LARS1: variants seen among roughly 807,000 people sequenced by gnomAD.
LARS1 encodes the protein leucyl-tRNA synthetase 1.
LARS1 carries 100 observed loss-of-function variants against 162.8 expected under a neutral mutation model. That is an observed-to-expected ratio of 0.61 (90% CI 0.52 to 0.73). LARS1 has a LOEUF of 0.73. Ranked by LOEUF, LARS1 falls within the 30% of genes least tolerant of loss-of-function variation. The pLI is 0.00. For missense variants in LARS1, 1,258 were observed against 1,408.9 expected, an observed-to-expected ratio of 0.89 and a Z score of 1.71; for synonymous variants, 457 against 462.8, an observed-to-expected ratio of 0.99 and a Z score of 0.16.
At position 146,153,192 on chromosome 5, in the gene LARS1, C is replaced by G. The variant is rs769902118; in HGVS notation, c.1266G>C (p.Met422Ile). The G allele has an allele frequency of 6.8e-6, 11 of 1,613,154 alleles. No homozygotes were observed. The highest frequency in any genetic ancestry group is 8.5e-6 in the Non-Finnish European group (10 of 1,179,494). The change falls in exon 13 of 32, where the codon ATG becomes ATC. Residue 422 changes from methionine to isoleucine, a missense_variant. Physicochemically the swap from Met to Ile is conservative, Grantham distance 10 (BLOSUM62 1). Coordinates refer to ENST00000394434, the MANE Select transcript of LARS1 (RefSeq NM_020117.11). ...TACTCACCGGCTCAAATGGCAAGAC[C>G]ATGTCATCTCTAATTCCATATTTTG... is the stretch of plus-strand genomic sequence containing the variant. ...LRAKYGIRDDMVLPFEPVPVI... is the reference protein window; with the variant it reads ...LRAKYGIRDDIVLPFEPVPVI...
In LARS1 at chr5:146,160,486, C is replaced by A. The variant is rs1402062205; in HGVS notation, c.595G>T (p.Val199Leu). 4.0e-6 allele frequency: 6 copies of A among 1,501,744 alleles called. No individual in the cohort carries two copies. The highest frequency in any genetic ancestry group is 2.5e-5 in the Admixed American group (1 of 39,778). 93.0% of individuals were successfully genotyped at this position (1,501,744 alleles called of 1,614,324 possible). The change falls in exon 7 of 32, where the codon GTA becomes TTA. Residue 199 changes from valine to leucine, a missense_variant and splice_region_variant. Transcript: ENST00000394434. ...GTGATGAAGGAACGACGCCAGTCTA[C>A]CTATAAAAGGAAAATTTTAAAAGGC... ...IQDLKRMGLK[V>L]DWRRSFITTD...
rs778735847 is a variant in LARS1, at chr5:146,135,619, C to CA, written c.2193dup (p.Asp732Ter). The CA allele has an allele frequency of 6.2e-7, 1 of 1,604,646 alleles. No homozygotes were observed. Among genetic ancestry groups the CA allele is most frequent in the South Asian group, 1.1e-5 (1 of 88,104 alleles). ...TACTCACCATCTGCTGAAAATTTGTCAATAGCTTGGGTCAAAGTGAGGAAG... is the reference window on the plus strand; with the variant it reads ...TACTCACCATCTGCTGAAAATTTGTCAAATAGCTTGGGTCAAAGTGAGGAAG... On this transcript the variant is annotated frameshift_variant, in exon 22 of 32. Transcript: ENST00000394434. LOFTEE classifies it high-confidence loss of function.
intron 31 of LARS1, among the ~76,000 whole-genome samples, chr5:146,118,662 TAAAAG>T (rs1338819576): frequency 1.3e-5 from 2 of 151,994 alleles, no homozygotes; most frequent in East Asian, 3.9e-4. Flanking sequence ...AAATAAAACT[TAAAAG>T]AAAAAAAGAC....
At chr5:146,164,503 A>C in intron 5 of LARS1, 32 bp from the exon 6 acceptor site, 1 of 1,605,528 alleles carries the variant, frequency 6.2e-7, no homozygotes, top group East Asian at 2.2e-5. Flanking sequence ...AAACTCGATC[A>C]AAGAATAACC....
intron 19 of LARS1, 102 bp from the exon 20 acceptor site, chr5:146,143,186 A>T: frequency 1.2e-6 from 1 of 823,856 alleles, no homozygotes; most frequent in Non-Finnish European, 1.7e-6. Flanking sequence ...TCTCTTTCTT[A>T]ATGTAGTTAC....
At position 146,134,530 on chromosome 5, in the gene LARS1, G is replaced by A. The variant is rs149433678; in HGVS notation, c.2212+1071C>T. Among the ~76,000 whole-genome samples, 959 of 152,226 alleles carry A rather than the reference G, an allele frequency of 6.3e-3. 5 individuals carry two copies. The highest frequency in any genetic ancestry group is 9.6e-3 in the Non-Finnish European group (654 of 68,010). Reference sequence around the variant, plus strand: ...TGACTAATTATATAAGAAATGAATGGTTCTTTCAGGATAGTGCATTTCTTC... The same window carrying A: ...TGACTAATTATATAAGAAATGAATGATTCTTTCAGGATAGTGCATTTCTTC... On this transcript the variant is annotated intron_variant, in intron 22 of 31. Transcript: ENST00000394434.
At chr5:146,161,045 C>A (rs779278732) in intron 6 of LARS1, among the ~76,000 whole-genome samples, 2 of 152,076 alleles carry the variant, frequency 1.3e-5, no homozygotes, top group Non-Finnish European at 2.9e-5. Flanking sequence ...TAAACCACCA[C>A]AACAAAACAA....
At position 146,177,586 on chromosome 5, in the gene LARS1, A is replaced by G; in HGVS notation, c.86T>C (p.Val29Ala). ...TAAATTAGATGCATTGACCTCAAAC[A>G]CTCTCTCAGTATCCCATTTCTGTTG... is the stretch of plus-strand genomic sequence containing the variant. ...EIQQKWDTERVFEVNASNLEK... is the reference protein window; with the variant it reads ...EIQQKWDTERAFEVNASNLEK... Residue 29 changes from valine to alanine, a missense_variant, in exon 2 of 32, where the codon GTG becomes GCG. Val to Ala is a moderately conservative substitution (Grantham distance 64). Transcript: ENST00000394434. 1.2e-6 allele frequency: 2 copies of G among 1,602,116 alleles called. No homozygotes were observed. Among genetic ancestry groups the G allele is most frequent in the Non-Finnish European group, 1.7e-6 (2 of 1,173,108 alleles).
At position 146,143,349 on chromosome 5, in the gene LARS1, A is replaced by G. The variant is rs2962504; in HGVS notation, c.1877+63T>C. The G allele has an allele frequency of 1, 1,528,773 of 1,532,882 alleles. 762,398 individuals carry two copies. The highest frequency in any genetic ancestry group is 1 in the East Asian group (44,168 of 44,168). The allele number at this position is 1,532,882 out of a possible 1,614,324, so 95.0% of individuals were successfully genotyped here. ...AAATCTTATTAAAACATTTAAATAC[A>G]TAAATCAAATATCACAACTCTTACT... On this transcript the variant is annotated intron_variant, in intron 19 of 31. Coordinates refer to ENST00000394434, the MANE Select transcript of LARS1 (RefSeq NM_020117.11).
chr5:146,125,270 A>G (rs575363411), intron 28 of LARS1, among the ~76,000 whole-genome samples: 1 of 152,050 alleles, frequency 6.6e-6, no homozygotes. Flanking sequence ...AGGATTCTAA[A>G]TTACTTCTGA....
intron 1 of LARS1, among the ~76,000 whole-genome samples, chr5:146,179,226 A>G (rs1754727905): frequency 6.6e-6 from 1 of 152,178 alleles, no homozygotes; most frequent in South Asian, 2.1e-4. Flanking sequence ...AGCAAGACCA[A>G]TCTCAGCTCA....
At chr5:146,129,872 C>A in intron 25 of LARS1, 146 bp downstream of exon 25, 1 of 772,590 alleles carries the variant, frequency 1.3e-6, no homozygotes, top group Non-Finnish European at 2.0e-6. Flanking sequence ...CTGGTTTAAC[C>A]CGTCATAATT....
At chr5:146,178,567 T>C (rs937756095) in intron 1 of LARS1, among the ~76,000 whole-genome samples, 1 of 150,240 alleles carries the variant, frequency 6.7e-6, no homozygotes, top group African/African-American at 2.5e-5. Flanking sequence ...TGAGCCAAGA[T>C]TGCACCATTG....
At chr5:146,157,248 T>C (rs1211818004) in intron 10 of LARS1, 155 bp downstream of exon 10, 13 of 675,006 alleles carry the variant, frequency 1.9e-5, no homozygotes, top group South Asian at 9.4e-5. Flanking sequence ...TAAGTGTATA[T>C]ACATATGAAA....
At chr5:146,128,953 A>T (rs1752159052) in intron 26 of LARS1, 25 bp downstream of exon 26, 7 of 1,288,404 alleles carry the variant, frequency 5.4e-6, no homozygotes, top group Non-Finnish European at 7.4e-6. Flanking sequence ...ATAATCCTTT[A>T]AAAAAAAAAA....
At chr5:146,173,591 A>G (rs79548340) in intron 2 of LARS1, among the ~76,000 whole-genome samples, 3 of 151,186 alleles carry the variant, frequency 2.0e-5, no homozygotes, top group Non-Finnish European at 1.5e-5. Context: ...AGGGTTCTCA[A>G]TATAAGAACC....
rs781703673 is a variant in LARS1, at chr5:146,128,783, C to G, written c.2770-1G>C. The G allele has an allele frequency of 6.3e-7, 1 of 1,597,652 alleles. No individual in the cohort carries two copies. Among genetic ancestry groups the G allele is most frequent in the Admixed American group, 1.8e-5 (1 of 54,454 alleles). Reference sequence around the variant, plus strand: ...TCTGCAGGGGTTGTTTGTCAGTCTTCTAGACGGTAAAAGAAAGGAAAAACA... The same window carrying G: ...TCTGCAGGGGTTGTTTGTCAGTCTTGTAGACGGTAAAAGAAAGGAAAAACA... On this transcript the variant is annotated splice_acceptor_variant, in intron 26 of 31. Transcript: ENST00000394434. LOFTEE classifies it high-confidence loss of function.
At chr5:146,128,457 T>C (rs971626114) in intron 27 of LARS1, among the ~76,000 whole-genome samples, 6 of 152,090 alleles carry the variant, frequency 3.9e-5, no homozygotes, top group African/African-American at 1.2e-4. Context: ...TGTATTTTTG[T>C]ATAAATTTTT....
Position 146,153,743 on chromosome 5 carries a change from C to A in LARS1, c.1221G>T (p.Lys407Asn). Residue 407 changes from lysine (K) to asparagine (N), a missense_variant, in exon 12 of 32, where the codon AAG (lysine) becomes AAT (asparagine). Lys to Asn is a moderately conservative substitution (Grantham distance 94). Transcript: ENST00000394434. ...AAACTCAGATACTTACTTGCTTTTTCTTCAAGTCTCTGAGGGCAGCAATAT... is the reference window on the plus strand; with the variant it reads ...AAACTCAGATACTTACTTGCTTTTTATTCAAGTCTCTGAGGGCAGCAATAT... ...PDDIAALRDLKKKQALRAKYG... is the reference protein window; with the variant it reads ...PDDIAALRDLNKKQALRAKYG... 1 of 1,613,376 alleles carries A rather than the reference C, an allele frequency of 6.2e-7. No homozygotes were observed. The highest frequency in any genetic ancestry group is 8.5e-7 in the Non-Finnish European group (1 of 1,179,362).
Sources: gnomAD v4.1 joint callset for allele counts (sites outside exome capture counted in the v4.1 genomes callset) on GRCh38, gnomAD v4.1.1 for gene constraint, MANE v1.5 for transcripts, NCBI Gene and HGNC (gene_info 2026-07-23, HGNC 2026-07-21) for gene names.